ST8SIA6: variants seen among roughly 807,000 people sequenced by gnomAD.
ST8SIA6 encodes alpha-2,8-sialyltransferase 8F.
Under a neutral mutation model 33.6 loss-of-function variants are expected in ST8SIA6, and 39 were observed. The ratio of observed to expected loss-of-function variants is 1.16; its 90% CI spans 0.90 to 1.52. The LOEUF is 1.52. Among genes scored for constraint, ST8SIA6 ranks in the 40% most tolerant of loss-of-function variants. The pLI is 0.00. For missense variants in ST8SIA6, 441 were observed against 443.8 expected (o/e 0.99, Z 0.06); for synonymous variants, 172 against 167.2 (o/e 1.03, Z -0.22).
In ST8SIA6 at chr10:17,348,309, T is replaced by G. The variant is rs757055353; in HGVS notation, c.377+11205A>C. Among the ~76,000 whole-genome samples the G allele has an allele frequency of 8.2e-4, 124 of 151,188 alleles. 1 individual carries two copies. Among genetic ancestry groups the G allele is most frequent in the Non-Finnish European group, 1.8e-4 (12 of 67,916 alleles). On this transcript the variant is annotated intron_variant, in intron 4 of 7. Transcript: ENST00000377602. ...TATGAAAACAGTTTTGTAATTATAATGCTGAATCAGTCTTATGTGTAATTA... is the reference window on the plus strand; with the variant it reads ...TATGAAAACAGTTTTGTAATTATAAGGCTGAATCAGTCTTATGTGTAATTA...
intron 4 of ST8SIA6, among the ~76,000 whole-genome samples, chr10:17,350,702 TG>T (rs1849002686): frequency 6.6e-6 from 1 of 152,070 alleles, no homozygotes; most frequent in African/African-American, 2.4e-5. Context: ...AGTTGTCTAT[TG>T]AACTAGCCAC....
chr10:17,335,197 C>T (rs1199652213), intron 4 of ST8SIA6, among the ~76,000 whole-genome samples: 4 of 152,144 alleles, frequency 2.6e-5, no homozygotes, highest in Admixed American at 1.3e-4. Flanking sequence ...TAAACCTCAA[C>T]TTATTTCTCC....
At chr10:17,422,480 C>T (rs960941419) in intron 2 of ST8SIA6, among the ~76,000 whole-genome samples, 1 of 152,134 alleles carries the variant, frequency 6.6e-6, no homozygotes, top group African/African-American at 2.4e-5. Context: ...AAATGTTAGC[C>T]AACAGCTACT....
chr10:17,333,709 ATATATATATTTTTTTT>A (rs1848398847), intron 4 of ST8SIA6, among the ~76,000 whole-genome samples: 1 of 26,086 alleles, frequency 3.8e-5, no homozygotes, highest in Non-Finnish European at 6.0e-5. Context: ...ATATATATAT[ATATATATATTTTTTTT>A]TTTTTTTTTT....
intron 2 of ST8SIA6, among the ~76,000 whole-genome samples, chr10:17,394,468 C>A (rs186047699): frequency 1.3e-5 from 2 of 152,068 alleles, no homozygotes; most frequent in Admixed American, 6.5e-5. Context: ...CTTACTCTCT[C>A]AAAGTCATTA....
intron 2 of ST8SIA6, among the ~76,000 whole-genome samples, chr10:17,443,368 C>T (rs966623433): frequency 8.3e-4 from 127 of 152,126 alleles, no homozygotes; most frequent in African/African-American, 2.9e-3. Context: ...ACAGAGGTTC[C>T]AGCAACCAGT....
chr10:17,392,044 A>T (rs1564440934), intron 2 of ST8SIA6, among the ~76,000 whole-genome samples: 1 of 152,224 alleles, frequency 6.6e-6, no homozygotes, highest in African/African-American at 2.4e-5. Context: ...ATCATCCTGA[A>T]GGTATTCGTT....
intron 4 of ST8SIA6, among the ~76,000 whole-genome samples, chr10:17,348,612 A>C (rs995597651): frequency 6.6e-6 from 1 of 152,136 alleles, no homozygotes; most frequent in Non-Finnish European, 1.5e-5. Context: ...ACATACCTAA[A>C]GGGGCCCTAA....
chr10:17,366,771 C>G (rs1238074004), intron 3 of ST8SIA6, among the ~76,000 whole-genome samples: 1 of 151,970 alleles, frequency 6.6e-6, no homozygotes, highest in African/African-American at 2.4e-5. Context: ...ATCCCTAATC[C>G]CAGCCCACAG....
At chr10:17,339,298 G>A (rs1340668816) in intron 4 of ST8SIA6, among the ~76,000 whole-genome samples, 1 of 152,032 alleles carries the variant, frequency 6.6e-6, no homozygotes, top group Non-Finnish European at 1.5e-5. Context: ...CGACCTAAAG[G>A]CCCAAACCCA....
At chr10:17,404,696 C>T (rs1396818871) in intron 2 of ST8SIA6, among the ~76,000 whole-genome samples, 1 of 152,146 alleles carries the variant, frequency 6.6e-6, no homozygotes, top group Non-Finnish European at 1.5e-5. Context: ...GATTTTCCAT[C>T]CACTGACCCC....
chr10:17,356,936 C>T (rs138252276), intron 4 of ST8SIA6, among the ~76,000 whole-genome samples: 67 of 152,230 alleles, frequency 4.4e-4, no homozygotes, highest in Non-Finnish European at 8.8e-4. Flanking sequence ...AAAAGATTTA[C>T]AGATAATAAG....
At chr10:17,389,634 C>T (rs968303008) in intron 3 of ST8SIA6, among the ~76,000 whole-genome samples, 1 of 152,034 alleles carries the variant, frequency 6.6e-6, no homozygotes, top group Non-Finnish European at 1.5e-5. Context: ...TTGTAAGCAG[C>T]GCAGGGGAAG....
intron 3 of ST8SIA6, among the ~76,000 whole-genome samples, chr10:17,389,211 C>T (rs1016985025): frequency 3.3e-5 from 5 of 152,152 alleles, no homozygotes; most frequent in Admixed American, 2.6e-4. Flanking sequence ...CGATCCAACG[C>T]TCAGGGAGAC....
chr10:17,426,364 G>A (rs186880638), intron 2 of ST8SIA6, among the ~76,000 whole-genome samples: 1 of 152,310 alleles, frequency 6.6e-6, no homozygotes, highest in East Asian at 1.9e-4. Context: ...GGAAATGCAT[G>A]TCATAAAATG....
intron 2 of ST8SIA6, among the ~76,000 whole-genome samples, chr10:17,445,495 A>G (rs1852671451): frequency 6.6e-6 from 1 of 152,140 alleles, no homozygotes; most frequent in Admixed American, 6.6e-5. Context: ...GGGAGAAAAA[A>G]ACTAGAGAGG....
intron 2 of ST8SIA6, among the ~76,000 whole-genome samples, chr10:17,394,574 A>C (rs1471096067): frequency 5.3e-5 from 8 of 152,176 alleles, no homozygotes; most frequent in Non-Finnish European, 1.2e-4. Context: ...AGGTACAGAC[A>C]GAGAAGCCCT....
At chr10:17,444,201 A>G (rs562204368) in intron 2 of ST8SIA6, among the ~76,000 whole-genome samples, 2 of 152,144 alleles carry the variant, frequency 1.3e-5, no homozygotes, top group East Asian at 3.9e-4. Context: ...TAATAAGGAG[A>G]CACTGAATTA....
intron 2 of ST8SIA6, among the ~76,000 whole-genome samples, chr10:17,435,894 T>C (rs758325670): frequency 2.0e-5 from 3 of 152,188 alleles, no homozygotes; most frequent in Admixed American, 6.5e-5. Flanking sequence ...AAATTACTTC[T>C]GTGAAAGTTG....
Sources: gnomAD v4.1 joint callset for allele counts (sites outside exome capture counted in the v4.1 genomes callset) on GRCh38, gnomAD v4.1.1 for gene constraint, MANE v1.5 for transcripts, NCBI Gene and HGNC (gene_info 2026-07-23, HGNC 2026-07-21) for gene names.